PRKCA: variants seen among roughly 807,000 people sequenced by gnomAD.
The protein encoded by PRKCA is protein kinase C alpha type.
Under a neutral mutation model 87.0 loss-of-function variants are expected in PRKCA, and 27 were observed. That is an observed-to-expected ratio of 0.31 (90% CI 0.23 to 0.43). The LOEUF (loss-of-function observed/expected upper bound fraction) is 0.43. Ranked by LOEUF, PRKCA falls within the 20% of genes least tolerant of loss-of-function variation. The pLI is 1.00. For synonymous variants in PRKCA, 329 were observed against 311.1 expected (o/e 1.06, Z -0.61); for missense variants, 518 against 852.3 (o/e 0.61, Z 4.88).
intron 2 of PRKCA, among the ~76,000 whole-genome samples, chr17:66,495,725 GTA>G (rs1397010032): frequency 6.6e-6 from 1 of 151,530 alleles, no homozygotes; most frequent in Non-Finnish European, 1.5e-5. Flanking sequence ...GCTAATTTGT[GTA>G]TGTGTGTGTG....
intron 4 of PRKCA, among the ~76,000 whole-genome samples, chr17:66,643,151 C>T (rs9902960): frequency 0.42 from 63,664 of 152,104 alleles, 14,308 homozygotes; most frequent in African/African-American, 0.61. Context: ...ATTTTAACTA[C>T]TTTAAAACTG....
intron 3 of PRKCA, among the ~76,000 whole-genome samples, chr17:66,564,340 G>A (rs1414229534): frequency 1.3e-5 from 2 of 152,102 alleles, no homozygotes; most frequent in East Asian, 1.9e-4. Context: ...CGAACTCCCA[G>A]AGTGCTGGGA....
chr17:66,719,515 A>C (rs900674312), intron 8 of PRKCA, among the ~76,000 whole-genome samples: 1 of 152,244 alleles, frequency 6.6e-6, no homozygotes, highest in Non-Finnish European at 1.5e-5. Flanking sequence ...TCACATCTGC[A>C]ATCCCAGCAC....
At chr17:66,726,203 C>T (rs1183198142) in intron 8 of PRKCA, among the ~76,000 whole-genome samples, 1 of 151,718 alleles carries the variant, frequency 6.6e-6, no homozygotes, top group Admixed American at 6.6e-5. Flanking sequence ...GGACAGAAAG[C>T]TCAGGTGTTC....
At chr17:66,699,309 GAGA>G (rs1483987593) in intron 8 of PRKCA, among the ~76,000 whole-genome samples, 2 of 150,884 alleles carry the variant, frequency 1.3e-5, no homozygotes, top group African/African-American at 2.4e-5. Context: ...AGAAAAAAGA[GAGA>G]AGACCAATGA....
chr17:66,737,214 T>A (rs1974055003), intron 10 of PRKCA, among the ~76,000 whole-genome samples: 2 of 133,682 alleles, frequency 1.5e-5, no homozygotes, highest in Non-Finnish European at 3.2e-5. Context: ...AAAAAAAAAA[T>A]TAGCCGGGCG....
At chr17:66,729,929 T>C (rs921247830) in intron 8 of PRKCA, among the ~76,000 whole-genome samples, 8 of 151,990 alleles carry the variant, frequency 5.3e-5, no homozygotes, top group African/African-American at 9.7e-5. Context: ...TAGCTGGGAT[T>C]ATAGGCATGT....
intron 2 of PRKCA, among the ~76,000 whole-genome samples, chr17:66,450,943 A>G (rs1914280457): frequency 6.6e-6 from 1 of 152,246 alleles, no homozygotes; most frequent in Non-Finnish European, 1.5e-5. Flanking sequence ...GTGAAGTTCT[A>G]GAATTTTGCT....
intron 3 of PRKCA, among the ~76,000 whole-genome samples, chr17:66,525,194 C>T (rs895142318): frequency 9.2e-5 from 14 of 152,142 alleles, no homozygotes; most frequent in African/African-American, 2.4e-4. Flanking sequence ...TGAGAGACCA[C>T]GTGGAGCAGA....
intron 2 of PRKCA, among the ~76,000 whole-genome samples, chr17:66,427,982 C>T (rs867002550): frequency 5.9e-5 from 9 of 152,188 alleles, no homozygotes; most frequent in African/African-American, 2.2e-4. Flanking sequence ...TCTGTGATTC[C>T]TCCTCCTGAC....
At chr17:66,670,739 G>A (rs1013132777) in intron 5 of PRKCA, among the ~76,000 whole-genome samples, 1 of 152,020 alleles carries the variant, frequency 6.6e-6, no homozygotes, top group African/African-American at 2.4e-5. Context: ...GCGTGTGTCT[G>A]TAGTCCCAGC....
At chr17:66,367,673 T>A (rs1908814656) in intron 2 of PRKCA, among the ~76,000 whole-genome samples, 1 of 152,214 alleles carries the variant, frequency 6.6e-6, no homozygotes, top group Admixed American at 6.5e-5. Context: ...ATAAAAGCTG[T>A]CCTGTTGTAG....
At chr17:66,304,124 T>G (rs1392123674) in intron 1 of PRKCA, among the ~76,000 whole-genome samples, 1 of 152,196 alleles carries the variant, frequency 6.6e-6, no homozygotes, top group Non-Finnish European at 1.5e-5. Context: ...TAATCGCCAA[T>G]GAATTCAGGC....
intron 3 of PRKCA, among the ~76,000 whole-genome samples, chr17:66,541,057 C>T (rs1055832138): frequency 6.6e-6 from 1 of 152,172 alleles, no homozygotes; most frequent in African/African-American, 2.4e-5. Context: ...CATCTCAGAG[C>T]TGTTTAGGGA....
chr17:66,651,992 T>C (rs919388790), intron 5 of PRKCA, among the ~76,000 whole-genome samples: 45 of 152,354 alleles, frequency 3.0e-4, no homozygotes, highest in African/African-American at 1.0e-3. Flanking sequence ...ACAGTCTCAC[T>C]CTGTCACCCA....
chr17:66,669,568 T>C (rs1972122699), intron 5 of PRKCA, among the ~76,000 whole-genome samples: 1 of 152,188 alleles, frequency 6.6e-6, no homozygotes, highest in Non-Finnish European at 1.5e-5. Context: ...AGGAATGCAC[T>C]CTGTTCCTAC....
intron 2 of PRKCA, among the ~76,000 whole-genome samples, chr17:66,446,253 A>ACG (rs1171560798): frequency 1.3e-5 from 2 of 151,902 alleles, no homozygotes; most frequent in African/African-American, 4.8e-5. Context: ...ACACACACAC[A>ACG]CACACTCACA....
At chr17:66,503,638 G>A (rs2144140182) in intron 3 of PRKCA, among the ~76,000 whole-genome samples, 2 of 152,274 alleles carry the variant, frequency 1.3e-5, no homozygotes, top group South Asian at 2.1e-4. Context: ...AGGACTATAT[G>A]TCTAGAAAGC....
At chr17:66,545,300 G>A (rs1024102627) in intron 3 of PRKCA, among the ~76,000 whole-genome samples, 1 of 152,122 alleles carries the variant, frequency 6.6e-6, no homozygotes, top group African/African-American at 2.4e-5. Flanking sequence ...GTGGTGGCGG[G>A]TGCCTGTAGT....
Sources: gnomAD v4.1 joint callset for allele counts (sites outside exome capture counted in the v4.1 genomes callset) on GRCh38, gnomAD v4.1.1 for gene constraint, MANE v1.5 for transcripts, NCBI Gene and HGNC (gene_info 2026-07-23, HGNC 2026-07-21) for gene names.